Variants in DNAH3 observed in about 807,000 individuals in gnomAD.
The protein encoded by DNAH3 is dynein axonemal heavy chain 3, also known as axonemal beta dynein heavy chain 3.
A neutral mutation model predicts 432.5 loss-of-function variants in DNAH3; 332 were observed. The observed-to-expected ratio is 0.77, with a 90% CI of 0.70 to 0.84. The LOEUF (loss-of-function observed/expected upper bound fraction) is 0.84, where lower values mean the gene tolerates loss of function less well. Ranked by LOEUF, DNAH3 falls within the 40% of genes least tolerant of loss-of-function variation. The probability of loss-of-function intolerance (pLI) is 0.00; values close to 1 mark genes in which losing one functional copy is unlikely to be tolerated. For missense variants in DNAH3, 4,861 were observed against 5,114.0 expected (o/e 0.95, Z 1.51); for synonymous variants, 1,956 against 1,900.2 (o/e 1.03, Z -0.76).
Position 21,125,207 on chromosome 16 carries a change from CA to C in DNAH3, c.1371del (p.Glu458ArgfsTer8). ...ATCATGAAAAGGGAAACGAGGTCCTCAAGTGACTTAATGACCAGCTCCCTAA... is the reference window on the plus strand; with the variant it reads ...ATCATGAAAAGGGAAACGAGGTCCTCAGTGACTTAATGACCAGCTCCCTAA... On this transcript the variant is annotated frameshift_variant, in exon 9 of 62. Coordinates refer to ENST00000261383, the Ensembl canonical transcript of DNAH3. LOFTEE classifies it high-confidence loss of function. 1 of 1,611,296 alleles carries C rather than the reference CA, an allele frequency of 6.2e-7. No homozygotes were observed. The highest frequency in any genetic ancestry group is 8.5e-7 in the Non-Finnish European group (1 of 1,178,416).
intron 42 of DNAH3, among the ~76,000 whole-genome samples, chr16:21,002,816 A>C (rs2087092340): frequency 6.6e-6 from 1 of 152,152 alleles, no homozygotes. Flanking sequence ...ACACTGATGT[A>C]GCCCCTAGCA....
chr16:21,154,355 A>C (rs905136463), intron 1 of DNAH3, among the ~76,000 whole-genome samples: 1 of 152,038 alleles, frequency 6.6e-6, no homozygotes, highest in African/African-American at 2.4e-5. Flanking sequence ...CAGTAAGCTG[A>C]GATCACACCA....
intron 54 of DNAH3, among the ~76,000 whole-genome samples, chr16:20,957,868 G>C (rs933441018): frequency 8.3e-6 from 1 of 120,070 alleles, no homozygotes; most frequent in Non-Finnish European, 1.7e-5. Context: ...CTGAACATTT[G>C]AGTTAAAATG....
chr16:21,141,336 G>A lies in DNAH3; in HGVS notation c.485C>T (p.Thr162Met), dbSNP rs528418539. The A allele has an allele frequency of 2.3e-5, 37 of 1,592,312 alleles. No homozygotes were observed. Among genetic ancestry groups the A allele is most frequent in the African/African-American group, 6.7e-5 (5 of 74,676 alleles). Reference sequence around the variant, plus strand: ...CTCTTTGTTTCTGGAGGAAAACTTCGTTTTTTTCCTCATGGGCTCTGATGA... The same window carrying A: ...CTCTTTGTTTCTGGAGGAAAACTTCATTTTTTTCCTCATGGGCTCTGATGA... Residue 162 changes from threonine to methionine, a missense_variant, in exon 4 of 62, where the codon ACG becomes ATG. Coordinates refer to ENST00000261383, the Ensembl canonical transcript of DNAH3.
chr16:20,950,132 G>A (rs2084246339), intron 56 of DNAH3, among the ~76,000 whole-genome samples: 2 of 152,192 alleles, frequency 1.3e-5, no homozygotes, highest in Admixed American at 6.5e-5. Context: ...ATGGGTGCAA[G>A]CCACTGTGTC....
At chr16:21,022,653 T>C (rs2088304134) in intron 39 of DNAH3, among the ~76,000 whole-genome samples, 2 of 152,208 alleles carry the variant, frequency 1.3e-5, no homozygotes, top group South Asian at 4.1e-4. Flanking sequence ...GTCCATTTAC[T>C]CTTTTAAAAA....
chr16:21,128,884 A>AT (rs1212379873), intron 7 of DNAH3, among the ~76,000 whole-genome samples: 1 of 78,344 alleles, frequency 1.3e-5, no homozygotes, highest in Admixed American at 1.4e-4. Context: ...AAAAAAAAAA[A>AT]GCTTGTGGAG....
At chr16:21,083,022 C>CTTT (rs112090022) in intron 19 of DNAH3, among the ~76,000 whole-genome samples, 14 of 140,234 alleles carry the variant, frequency 1.0e-4, no homozygotes, top group East Asian at 2.0e-4. Context: ...TTTTTCCATA[C>CTTT]TTTTTTTTTT....
intron 37 of DNAH3, among the ~76,000 whole-genome samples, chr16:21,027,659 G>A (rs2088641792): frequency 6.6e-6 from 1 of 152,158 alleles, no homozygotes; most frequent in Non-Finnish European, 1.5e-5. Flanking sequence ...GGCCAACATG[G>A]TAAAACCCTG....
chr16:20,952,582 G>T, intron 55 of DNAH3, 33 bp from the exon 56 acceptor site: 1 of 1,355,834 alleles, frequency 7.4e-7, no homozygotes, highest in Non-Finnish European at 1.1e-6. Context: ...AGGCTTCAGT[G>T]CTGAGAGCTC....
At chr16:21,053,087 G>A (rs914240055) in intron 28 of DNAH3, among the ~76,000 whole-genome samples, 5 of 152,198 alleles carry the variant, frequency 3.3e-5, no homozygotes, top group African/African-American at 1.2e-4. Context: ...GAGCTATGGA[G>A]ATCTCAGAGC....
chr16:20,994,723 C>T (rs2086690901), intron 44 of DNAH3, among the ~76,000 whole-genome samples: 1 of 152,050 alleles, frequency 6.6e-6, no homozygotes, highest in African/African-American at 2.4e-5. Context: ...TTGAGTACCT[C>T]GTATAAGTGG....
rs201866647 is a variant in DNAH3 at position 21,005,183 on chromosome 16, TTC to T, written c.6023-1978_6023-1977del. Among the ~76,000 whole-genome samples the T allele has an allele frequency of 3.5e-3, 525 of 151,422 alleles. 3 individuals are homozygous for T. Among genetic ancestry groups the T allele is most frequent in the African/African-American group, 0.012 (483 of 41,200 alleles). On this transcript the variant is annotated intron_variant, in intron 41 of 61. Coordinates refer to ENST00000261383, the Ensembl canonical transcript of DNAH3. ...TTTCTTTCTTTCTTTTTCTTTTTCT[TTC>T]TCTTTCTCTCTCCCTCCTTCCCTCT...
exon 40 of DNAH3, chr16:21,022,011 G>A (rs1178581461): frequency 1.2e-6 from 2 of 1,613,910 alleles, no homozygotes; most frequent in East Asian, 2.2e-5. Context: ...AGAAGGCAAG[G>A]TGGATGGGAG....
At chr16:20,985,002 C>CA (rs2086118747) in intron 48 of DNAH3, 47 bp downstream of exon 48, 1 of 1,516,606 alleles carries the variant, frequency 6.6e-7, no homozygotes, top group African/African-American at 1.4e-5. Context: ...CAGAAGACCC[C>CA]AAAACACCCA....
At chr16:21,014,062 G>A (rs2087744720) in intron 41 of DNAH3, among the ~76,000 whole-genome samples, 2 of 152,098 alleles carry the variant, frequency 1.3e-5, no homozygotes, top group Non-Finnish European at 2.9e-5. Context: ...AGAAGCAGAG[G>A]ACACACTTTA....
At chr16:21,045,031 A>T (rs1433646809) in intron 31 of DNAH3, among the ~76,000 whole-genome samples, 1 of 152,154 alleles carries the variant, frequency 6.6e-6, no homozygotes, top group African/African-American at 2.4e-5. Context: ...AGCCTACTTG[A>T]TCAGGGTGGA....
At chr16:21,122,489 AG>A (rs2092364840) in intron 9 of DNAH3, among the ~76,000 whole-genome samples, 1 of 152,186 alleles carries the variant, frequency 6.6e-6, no homozygotes, top group African/African-American at 2.4e-5. Context: ...CCCAGGAGGC[AG>A]AGGTTGCAGT....
intron 46 of DNAH3, 47 bp downstream of exon 46, chr16:20,987,646 C>T: frequency 6.2e-7 from 1 of 1,600,814 alleles, no homozygotes; most frequent in Non-Finnish European, 8.5e-7. Flanking sequence ...TTCTATGTAG[C>T]CAAGGATATG....
Sources: allele counts gnomAD v4.1 joint callset (sites outside exome capture counted in the v4.1 genomes callset), GRCh38; gene constraint gnomAD v4.1.1; transcripts MANE v1.5; gene names NCBI Gene and HGNC (gene_info 2026-07-23, HGNC 2026-07-21).